Variants in TAF4B observed in about 807,000 individuals in gnomAD.
TAF4B encodes the protein transcription initiation factor TFIID subunit 4B.
Under a neutral mutation model 86.4 loss-of-function variants are expected in TAF4B, and 38 were observed. The ratio of observed to expected loss-of-function variants is 0.44; its 90% CI spans 0.34 to 0.58. The LOEUF (loss-of-function observed/expected upper bound fraction) is 0.58, where lower values mean the gene tolerates loss of function less well. TAF4B is among the 20% of genes least tolerant of loss of function. TAF4B has a pLI of 0.02. For synonymous variants in TAF4B, 388 were observed against 391.2 expected, an observed-to-expected ratio of 0.99 and a Z score of 0.10; for missense variants, 988 against 1,027.6, an observed-to-expected ratio of 0.96 and a Z score of 0.53.
intron 1 of TAF4B, among the ~76,000 whole-genome samples, chr18:26,232,819 C>A (rs895900462): frequency 3.9e-4 from 59 of 152,190 alleles, no homozygotes; most frequent in Non-Finnish European, 7.4e-4. Context: ...TTATTTCTTG[C>A]AAACTGTCTG....
At chr18:26,385,405 G>A (rs186883682) in intron 14 of TAF4B, among the ~76,000 whole-genome samples, 1 of 152,314 alleles carries the variant, frequency 6.6e-6, no homozygotes, top group East Asian at 1.9e-4. Context: ...AATTAGGTGA[G>A]ATAAGTTGTT....
At chr18:26,234,969 C>G (rs2055727254) in intron 1 of TAF4B, among the ~76,000 whole-genome samples, 1 of 152,198 alleles carries the variant, frequency 6.6e-6, no homozygotes, top group Non-Finnish European at 1.5e-5. Context: ...ACCGCTGCAA[C>G]TACCCGTAAA....
At position 26,282,183 on chromosome 18, in the gene TAF4B, T is replaced by C. The variant is rs1156840424; in HGVS notation, c.972+123T>C. 4 of 772,270 alleles carry C rather than the reference T, an allele frequency of 5.2e-6. 1 individual carries two copies. The highest frequency in any genetic ancestry group is 8.5e-6 in the Non-Finnish European group (4 of 471,722). 47.8% of individuals were successfully genotyped at this position (772,270 alleles called of 1,614,324 possible). On this transcript the variant is annotated intron_variant, in intron 6 of 14. Coordinates refer to ENST00000269142, the MANE Select transcript of TAF4B (RefSeq NM_005640.3). ...AGATACTGACAGTGTGGGAGAAACC[T>C]CTGAGTGCTTTTGTAAGCTATAAAG... is the stretch of plus-strand genomic sequence containing the variant.
chr18:26,366,017 C>T (rs2057369106), intron 14 of TAF4B, among the ~76,000 whole-genome samples: 1 of 152,140 alleles, frequency 6.6e-6, no homozygotes, highest in Non-Finnish European at 1.5e-5. Context: ...TCTCAAATTC[C>T]TGAACTCAGG....
rs71169836 is a variant in TAF4B, at chr18:26,255,603, C to CAA, written c.344-9553_344-9552dup. 2,172 of 482,206 alleles carry CAA rather than the reference C, an allele frequency of 4.5e-3. 3 individuals carry two copies. The highest frequency in any genetic ancestry group is 6.3e-3 in the South Asian group (233 of 37,106). The allele number at this position is 482,206 out of a possible 1,614,324, so 29.9% of individuals were successfully genotyped here. A position where few individuals can be genotyped will look rare whatever the true frequency, so the allele number is the denominator to read the frequency against. On this transcript the variant is annotated intron_variant, in intron 1 of 14. Coordinates refer to ENST00000269142, the MANE Select transcript of TAF4B (RefSeq NM_005640.3). Reference sequence around the variant, plus strand: ...GACAACAAGAGCAAAACTCTGTCTCCAAAAAAAAAAAAAAAGAGGGTCAGT... The same window carrying CAA: ...GACAACAAGAGCAAAACTCTGTCTCCAAAAAAAAAAAAAAAAAGAGGGTCAGT...
chr18:26,261,346 G>A (rs1399174404), intron 1 of TAF4B, among the ~76,000 whole-genome samples: 7 of 150,438 alleles, frequency 4.7e-5, no homozygotes, highest in African/African-American at 1.5e-4. Flanking sequence ...GACTACAGGC[G>A]CCCGCCACTA....
chr18:26,372,907 T>G (rs1445921111), intron 14 of TAF4B, among the ~76,000 whole-genome samples: 22 of 150,030 alleles, frequency 1.5e-4, no homozygotes, highest in Admixed American at 1.5e-3. Flanking sequence ...AGGCGGAGCT[T>G]GCAGTGAGCC....
intron 13 of TAF4B, among the ~76,000 whole-genome samples, chr18:26,354,170 G>T (rs2057267711): frequency 6.6e-6 from 1 of 152,176 alleles, no homozygotes; most frequent in Non-Finnish European, 1.5e-5. Context: ...CCGCTTTTGG[G>T]TTCAAGCAAT....
At chr18:26,360,497 CTTTCAT>C (rs1202668968) in intron 14 of TAF4B, among the ~76,000 whole-genome samples, 1 of 152,092 alleles carries the variant, frequency 6.6e-6, no homozygotes, top group African/African-American at 2.4e-5. Context: ...ATGCCACAGT[CTTTCAT>C]TTTTATTTTT....
chr18:26,310,182 C>T (rs946814939), intron 9 of TAF4B, among the ~76,000 whole-genome samples: 2 of 152,150 alleles, frequency 1.3e-5, no homozygotes, highest in South Asian at 2.1e-4. Flanking sequence ...AATCAGTACT[C>T]TTAATTTTTA....
chr18:26,304,685 G>T (rs1456713534), intron 9 of TAF4B: 1 of 981,780 alleles, frequency 1.0e-6, no homozygotes, highest in African/African-American at 1.8e-5. Flanking sequence ...AAGAACTAGT[G>T]CTAGCCACAG....
intron 12 of TAF4B, among the ~76,000 whole-genome samples, chr18:26,334,052 A>ATGTATT (rs2057071991): frequency 6.6e-6 from 1 of 151,970 alleles, no homozygotes; most frequent in Admixed American, 6.6e-5. Flanking sequence ...ATAAATACAT[A>ATGTATT]TATACACAGA....
At chr18:26,229,769 C>T (rs2055635981) in intron 1 of TAF4B, among the ~76,000 whole-genome samples, 1 of 152,106 alleles carries the variant, frequency 6.6e-6, no homozygotes, top group South Asian at 2.1e-4. Context: ...TCTCAGAGTG[C>T]TGGGATTACA....
chr18:26,372,573 A>C (rs768910567), intron 14 of TAF4B, among the ~76,000 whole-genome samples: 1 of 152,218 alleles, frequency 6.6e-6, no homozygotes, highest in Non-Finnish European at 1.5e-5. Context: ...ATTAAGTCTT[A>C]TGACGTATCA....
chr18:26,347,567 C>G (rs2057210131), intron 13 of TAF4B, among the ~76,000 whole-genome samples: 1 of 152,162 alleles, frequency 6.6e-6, no homozygotes. Context: ...AGTAATAAGT[C>G]CACACCTATC....
At chr18:26,358,697 G>A (rs1029577550) in intron 14 of TAF4B, among the ~76,000 whole-genome samples, 16 of 152,096 alleles carry the variant, frequency 1.1e-4, no homozygotes, top group Non-Finnish European at 2.2e-4. Flanking sequence ...GCGACAGAGC[G>A]AGACTCCGTC....
chr18:26,334,141 T>G (rs2057072450), intron 12 of TAF4B, among the ~76,000 whole-genome samples: 1 of 152,096 alleles, frequency 6.6e-6, no homozygotes, highest in Admixed American at 6.5e-5. Context: ...GTTAGTAGAT[T>G]GGGGACTAAA....
chr18:26,290,536 G>A (rs72880146), intron 7 of TAF4B, among the ~76,000 whole-genome samples: 6,323 of 152,266 alleles, frequency 0.042, 179 homozygotes, highest in Non-Finnish European at 0.058. Context: ...TGATGTCCTT[G>A]CAGTATTTTT....
chr18:26,227,821 A>G (rs2055601985), intron 1 of TAF4B, among the ~76,000 whole-genome samples: 1 of 152,240 alleles, frequency 6.6e-6, no homozygotes, highest in African/African-American at 2.4e-5. Flanking sequence ...ACGGCCTAAC[A>G]GTGAAGTTCT....
Sources: gnomAD v4.1 joint callset for allele counts (sites outside exome capture counted in the v4.1 genomes callset) on GRCh38, gnomAD v4.1.1 for gene constraint, MANE v1.5 for transcripts, NCBI Gene and HGNC (gene_info 2026-07-23, HGNC 2026-07-21) for gene names.